The following GSAP variants were observed in gnomAD, a reference collection of about 807,000 sequenced individuals.
GSAP encodes gamma-secretase activating protein, also known as gamma-secretase-activating protein.
Under a neutral mutation model 131.7 loss-of-function variants are expected in GSAP, and 118 were observed. That is an observed-to-expected ratio of 0.90 (90% CI 0.77 to 1.04). The LOEUF (loss-of-function observed/expected upper bound fraction) is 1.04, where lower values mean the gene tolerates loss of function less well. Ranked by LOEUF, GSAP falls within the 50% of genes least tolerant of loss-of-function variation. GSAP has a pLI of 0.00. For synonymous variants in GSAP, 381 were observed against 363.4 expected, an observed-to-expected ratio of 1.05 and a Z score of -0.55; for missense variants, 1,019 against 1,013.2, an observed-to-expected ratio of 1.01 and a Z score of -0.08.
intron 18 of GSAP, among the ~76,000 whole-genome samples, chr7:77,349,808 T>C (rs1001882543): frequency 1.3e-5 from 2 of 152,196 alleles, no homozygotes; most frequent in African/African-American, 4.8e-5. Context: ...AAATGTATTA[T>C]AGTTGGCCCC....
chr7:77,329,456 G>C, intron 20 of GSAP, 65 bp from the exon 21 acceptor site: 1 of 818,826 alleles, frequency 1.2e-6, no homozygotes, highest in Non-Finnish European at 2.0e-6. Flanking sequence ...TTCACGTCAA[G>C]GATATAATGC....
Position 77,311,013 on chromosome 7 carries a change from C to G in GSAP, c.*345G>C, listed in dbSNP as rs1159327462. On this transcript the variant is annotated 3_prime_UTR_variant, in exon 31 of 31. Transcript: ENST00000257626. ...AATGACACACCTAGTTTTTGCTTTT[C>G]TAAGCACTGTTCCCTACATTTTTAA... 1 of 180,828 alleles carries G rather than the reference C, an allele frequency of 5.5e-6. No individual in the cohort carries two copies. Among genetic ancestry groups the G allele is most frequent in the Non-Finnish European group, 1.2e-5 (1 of 86,256 alleles). The allele number at this position is 180,828 out of a possible 1,614,324, so 11.2% of individuals were successfully genotyped here.
intron 19 of GSAP, among the ~76,000 whole-genome samples, chr7:77,340,091 G>GC (rs1169254671): frequency 1.3e-5 from 2 of 152,080 alleles, no homozygotes; most frequent in Non-Finnish European, 2.9e-5. Context: ...ATTTGTTTCT[G>GC]CCCCATCTTA....
chr7:77,387,931 G>C (rs1798825837), intron 5 of GSAP, among the ~76,000 whole-genome samples: 1 of 152,170 alleles, frequency 6.6e-6, no homozygotes, highest in Non-Finnish European at 1.5e-5. Context: ...ACTCTCACCA[G>C]CAACATATAA....
At chr7:77,318,703 C>T (rs1787201594) in intron 26 of GSAP, among the ~76,000 whole-genome samples, 1 of 152,052 alleles carries the variant, frequency 6.6e-6, no homozygotes, top group Admixed American at 6.5e-5. Context: ...AAACAAAATT[C>T]AACTCAAAAT....
rs566299718 is a variant in GSAP, at chr7:77,364,655, T to A, written c.872-1995A>T. On this transcript the variant is annotated intron_variant, in intron 12 of 30. Coordinates refer to ENST00000257626, the MANE Select transcript of GSAP (RefSeq NM_017439.4). ...ACCTGCACATTGTGCACATGTACCC[T>A]AAAACTTAAAGTGTAATAATAAAAT... Among the ~76,000 whole-genome samples the A allele has an allele frequency of 2.6e-5, 4 of 152,278 alleles. No individual in the cohort carries two copies. In the South Asian group the frequency reaches 8.3e-4, roughly 32 times the overall value.
intron 26 of GSAP, among the ~76,000 whole-genome samples, chr7:77,320,283 T>C (rs776579581): frequency 1.3e-5 from 2 of 152,240 alleles, no homozygotes; most frequent in Non-Finnish European, 2.9e-5. Context: ...CCAGGATGTT[T>C]TGTGGCCTGA....
At chr7:77,349,281 A>T in intron 19 of GSAP, 70 bp downstream of exon 19, 1 of 1,246,306 alleles carries the variant, frequency 8.0e-7, no homozygotes, top group Non-Finnish European at 1.2e-6. Context: ...TTTTGGAACC[A>T]CCATAATACT....
In GSAP at chr7:77,387,381, C is replaced by T; in HGVS notation, c.435G>A (p.Val145=). ...TTACCTGAACCCAAATATAGCTATC[C>T]ACAGCCTTTAGAACCTTCACATTGT... ...PVNNVKVLKA[V]DSYIWVQFLY... The change falls in exon 6 of 31, where the codon GTG becomes GTA. Residue 145 remains valine, a synonymous_variant. Coordinates refer to ENST00000257626, the MANE Select transcript of GSAP (RefSeq NM_017439.4). 1.3e-6 allele frequency: 2 copies of T among 1,588,710 alleles called. No individual in the cohort carries two copies. The highest frequency in any genetic ancestry group is 1.7e-5 in the Admixed American group (1 of 59,944).
intron 19 of GSAP, chr7:77,331,826 C>T (rs1351459108): frequency 6.6e-6 from 1 of 151,096 alleles, no homozygotes; most frequent in Non-Finnish European, 1.5e-5. Flanking sequence ...TCTTTTCTTT[C>T]CCTTTCCATT....
intron 21 of GSAP, among the ~76,000 whole-genome samples, chr7:77,328,874 TCA>T (rs1788691285): frequency 6.6e-6 from 1 of 152,194 alleles, no homozygotes; most frequent in African/African-American, 2.4e-5. Flanking sequence ...ACTGTAGCTC[TCA>T]GTTATTGAAA....
chr7:77,367,134 T>C (rs1447005002), intron 12 of GSAP, among the ~76,000 whole-genome samples: 1 of 152,206 alleles, frequency 6.6e-6, no homozygotes, highest in African/African-American at 2.4e-5. Flanking sequence ...GCTGAGACTA[T>C]GGGGTTTTCT....
At chr7:77,331,959 G>GA (rs1789234560) in intron 19 of GSAP, 1 of 151,974 alleles carries the variant, frequency 6.6e-6, no homozygotes, top group African/African-American at 2.4e-5. Context: ...TCCCTGACTG[G>GA]AAGTCTCTAA....
chr7:77,390,288 A>T (rs760390404), intron 5 of GSAP, among the ~76,000 whole-genome samples: 6 of 152,012 alleles, frequency 3.9e-5, no homozygotes, highest in Non-Finnish European at 7.4e-5. Flanking sequence ...CTTTAGTTTA[A>T]TTAGATCCCA....
At chr7:77,314,074 A>G (rs560286215) in intron 27 of GSAP, among the ~76,000 whole-genome samples, 2 of 152,348 alleles carry the variant, frequency 1.3e-5, no homozygotes, top group South Asian at 4.1e-4. Flanking sequence ...AAAGTCCCTT[A>G]GGACCTCGTG....
intron 14 of GSAP, 140 bp from the exon 15 acceptor site, chr7:77,355,787 G>GTTTTTTGTT (rs1291528482): frequency 4.4e-5 from 13 of 294,606 alleles, no homozygotes; most frequent in Non-Finnish European, 6.6e-5. Flanking sequence ...ATGACAGCCC[G>GTTTTTTGTT]TTTTTTTTTT....
chr7:77,313,229 T>A (rs546726795), intron 28 of GSAP, among the ~76,000 whole-genome samples: 14 of 152,342 alleles, frequency 9.2e-5, no homozygotes, highest in African/African-American at 2.9e-4. Flanking sequence ...TAGTGTGGTT[T>A]CCTAAGAGGC....
At chr7:77,327,866 C>T (rs558930661) in intron 22 of GSAP, among the ~76,000 whole-genome samples, 58 of 152,238 alleles carry the variant, frequency 3.8e-4, no homozygotes, top group South Asian at 1.5e-3. Context: ...CTCCCCGCAC[C>T]TATGGATTAT....
intron 18 of GSAP, among the ~76,000 whole-genome samples, chr7:77,350,075 A>G (rs947432029): frequency 1.3e-5 from 2 of 151,976 alleles, no homozygotes; most frequent in South Asian, 2.1e-4. Flanking sequence ...ATACAACACC[A>G]TGGAATACTA....
Sources: allele counts gnomAD v4.1 joint callset (sites outside exome capture counted in the v4.1 genomes callset), GRCh38; gene constraint gnomAD v4.1.1; transcripts MANE v1.5; gene names NCBI Gene and HGNC (gene_info 2026-07-23, HGNC 2026-07-21).